HMX1: variants seen among roughly 807,000 people sequenced by gnomAD.
HMX1 encodes homeobox protein HMX1.
HMX1 carries 8 observed loss-of-function variants against 8.9 expected under a neutral mutation model. The observed-to-expected ratio is 0.90, with a 90% confidence interval of 0.53 to 1.63. The LOEUF is 1.63. Among genes scored for constraint, HMX1 ranks in the 40% most tolerant of loss-of-function variants. The pLI is 0.00. For missense variants in HMX1, 621 were observed against 558.5 expected, an observed-to-expected ratio of 1.11 and a Z score of -1.13; for synonymous variants, 311 against 283.4, an observed-to-expected ratio of 1.10 and a Z score of -0.98.
Position 8,847,119 on chromosome 4 carries a change from T to G in HMX1, c.395-795A>C, listed in dbSNP as rs1313087967. Among the ~76,000 whole-genome samples, 3 of 152,214 alleles carry G rather than the reference T, an allele frequency of 2.0e-5. No homozygotes were observed. The highest frequency in any genetic ancestry group is 1.3e-4 in the Admixed American group (2 of 15,292). ...CCATTTGCATTGCCACATCAAGGGC[T>G]CTAAGAAAGTCTACAAATAAAAGTA... On this transcript the variant is annotated intron_variant, in intron 1 of 1. Coordinates refer to the HMX1 transcript ENST00000506970. This position sits in a 1 kb window ranked among gnomAD's most constrained non-coding sequence, Gnocchi z 6.0.
chr4:8,859,655 C>T (rs1203709563), intron 1 of HMX1, among the ~76,000 whole-genome samples: 1 of 152,230 alleles, frequency 6.6e-6, no homozygotes, highest in East Asian at 1.9e-4. Context: ...CCTGTCATTG[C>T]CGCCACTAGA....
chr4:8,864,135 G>C (rs1721917418), downstream of HMX1, among the ~76,000 whole-genome samples: 1 of 152,246 alleles, frequency 6.6e-6, no homozygotes, highest in South Asian at 2.1e-4. Flanking sequence ...GGCCCTGGGA[G>C]CTGGGGAGGG....
downstream of HMX1, among the ~76,000 whole-genome samples, chr4:8,864,502 G>A (rs1392485593): frequency 2.6e-5 from 4 of 152,336 alleles, no homozygotes; most frequent in East Asian, 5.8e-4. Context: ...TGCCAGTGGT[G>A]GAGCCAACGC....
intron 1 of HMX1, among the ~76,000 whole-genome samples, chr4:8,846,704 A>C: frequency 6.9e-6 from 1 of 144,258 alleles, no homozygotes; most frequent in African/African-American, 2.6e-5. Flanking sequence ...CAAACCTCTC[A>C]CCCCTTACCC....
At chr4:8,851,570 AC>A (rs36116215) in intron 1 of HMX1, among the ~76,000 whole-genome samples, 253 of 152,002 alleles carry the variant, frequency 1.7e-3, no homozygotes, top group Middle Eastern at 0.01. Context: ...TGGATACAAG[AC>A]CCCCTGAGGC....
At chr4:8,858,022 T>TA (rs1721671661) in intron 1 of HMX1, among the ~76,000 whole-genome samples, 1 of 151,616 alleles carries the variant, frequency 6.6e-6, no homozygotes, top group Non-Finnish European at 1.5e-5. Context: ...AAGCATCAGC[T>TA]AAGCCATTAG....
In HMX1 at chr4:8,871,348, C is replaced by A; in HGVS notation, c.267G>T (p.Pro89=). 2 of 1,266,016 alleles carry A rather than the reference C, an allele frequency of 1.6e-6. No homozygotes were observed. Among genetic ancestry groups the A allele is most frequent in the Middle Eastern group, 3.1e-4 (1 of 3,182 alleles). 78.4% of individuals were successfully genotyped at this position (1,266,016 alleles called of 1,614,324 possible). A position where few individuals can be genotyped will look rare whatever the true frequency, so the allele number is the denominator to read the frequency against. ...GEARARALLG[P]GALGLGPRPP... ...GCCGAGGACCGAGGCCCAGCGCGCC[C>A]GGCCCGAGCAGCGCACGGGCCCGCG... The change falls in exon 1 of 2, where the codon CCG becomes CCT. Residue 89 remains proline (P), a synonymous_variant. Transcript: ENST00000400677. This position sits in a 1 kb window ranked among gnomAD's most constrained non-coding sequence, Gnocchi z 4.8.
intron 1 of HMX1, chr4:8,858,950 TC>T (rs1240482406): frequency 1.3e-5 from 2 of 152,286 alleles, no homozygotes; most frequent in Non-Finnish European, 2.9e-5. Flanking sequence ...CCCCTCTGGT[TC>T]CTGGGGCACC....
intron 1 of HMX1, among the ~76,000 whole-genome samples, chr4:8,857,401 G>C (rs536820357): frequency 1.4e-4 from 21 of 152,322 alleles, no homozygotes; most frequent in Admixed American, 5.9e-4. Context: ...GCAGGAGGCG[G>C]GGTCTGGGGC....
At chr4:8,860,913 G>C (rs1214959247) in intron 1 of HMX1, 3 of 148,568 alleles carry the variant, frequency 2.0e-5, no homozygotes, top group Admixed American at 2.0e-4. Context: ...TGAAGGCTGA[G>C]CCAGACTTCC....
rs536012811 is a variant in HMX1, at chr4:8,853,671, A to C, written c.395-7347T>G. On this transcript the variant is annotated intron_variant, in intron 1 of 1. Coordinates refer to the HMX1 transcript ENST00000506970. The surrounding 1 kb of genome is among the most constrained non-coding windows in gnomAD (Gnocchi z 4.7). ...GTTCAAGACCAGCCTGACCAATATGATGAAACCCCGTCTCTACTAAAAATA... is the reference window on the plus strand; with the variant it reads ...GTTCAAGACCAGCCTGACCAATATGCTGAAACCCCGTCTCTACTAAAAATA... Among the ~76,000 whole-genome samples the C allele has an allele frequency of 3.0e-4, 46 of 152,210 alleles. No homozygotes were observed. The highest frequency in any genetic ancestry group is 4.7e-4 in the Non-Finnish European group (32 of 68,022).
In HMX1 at chr4:8,871,648, C is replaced by T. The variant is rs952734454; in HGVS notation, c.-34G>A. 4.9e-6 allele frequency: 6 copies of T among 1,217,520 alleles called. No individual in the cohort carries two copies. The African/African-American group carries it at 8.1e-5, about 16-fold the overall frequency. The allele number at this position is 1,217,520 out of a possible 1,614,324, so 75.4% of individuals were successfully genotyped here. On this transcript the variant is annotated 5_prime_UTR_variant, in exon 1 of 2. Transcript: ENST00000400677. The surrounding 1 kb of genome is among the most constrained non-coding windows in gnomAD (Gnocchi z 4.8). ...CGGGCTTCTCGGGCTCGGCCGGGCT[C>T]CTCGGTCCCCGCTGGGGATGGTGGC...
intron 1 of HMX1, among the ~76,000 whole-genome samples, chr4:8,851,608 C>T (rs1458676710): frequency 6.6e-6 from 1 of 152,200 alleles, no homozygotes; most frequent in Non-Finnish European, 1.5e-5. Flanking sequence ...AGAGGCTCTG[C>T]GGGCCTGAGG....
At chr4:8,861,745 G>T (rs1721832702) in intron 1 of HMX1, among the ~76,000 whole-genome samples, 1 of 152,242 alleles carries the variant, frequency 6.6e-6, no homozygotes, top group Non-Finnish European at 1.5e-5. Context: ...TCTCTCTGGC[G>T]TCTGTCTGGA....
At position 8,868,134 on chromosome 4, in the gene HMX1, T is replaced by G; in HGVS notation, c.606A>C (p.Arg202=). The G allele has an allele frequency of 6.6e-7, 1 of 1,510,840 alleles. No homozygotes were observed. Among genetic ancestry groups the G allele is most frequent in the Non-Finnish European group, 8.8e-7 (1 of 1,134,450 alleles). 93.6% of individuals were successfully genotyped at this position (1,510,840 alleles called of 1,614,324 possible). A position where few individuals can be genotyped will look rare whatever the true frequency, so the allele number is the denominator to read the frequency against. Residue 202 remains arginine, a synonymous_variant, in exon 2 of 2, where the codon CGA becomes CGC. Transcript: ENST00000400677. This position sits in a 1 kb window ranked among gnomAD's most constrained non-coding sequence, Gnocchi z 4.6. ...AGAAGACTGTGCGCGTCTTCTTCTT[T>G]CGGCCGCCGCCCACGCCAACGCCGC... is the stretch of plus-strand genomic sequence containing the variant. ...TRGGVGVGGG[R]KKKTRTVFSR... is the part of the protein sequence containing the mutation.
In HMX1 at chr4:8,852,023, C is replaced by T. The variant is rs1334590216; in HGVS notation, c.395-5699G>A. 2.6e-5 allele frequency among the ~76,000 whole-genome samples: 4 copies of T among 152,266 alleles called. No homozygotes were observed. In the East Asian group the frequency reaches 5.8e-4, roughly 22 times the overall value. On this transcript the variant is annotated intron_variant, in intron 1 of 1. Coordinates refer to the HMX1 transcript ENST00000506970. ...TGGTTCCCGGGCAGGCAGCCCCTCT[C>T]GTCCCTAGACACTGCAGTGGGAGTG...
At position 8,867,891 on chromosome 4, in the gene HMX1, C is replaced by G. The variant is rs1722064648; in HGVS notation, c.849G>C (p.Pro283=). 1.5e-6 allele frequency: 2 copies of G among 1,361,180 alleles called. No homozygotes were observed. The highest frequency in any genetic ancestry group is 1.9e-6 in the Non-Finnish European group (2 of 1,055,192). The allele number at this position is 1,361,180 out of a possible 1,614,324, so 84.3% of individuals were successfully genotyped here. A position where few individuals can be genotyped will look rare whatever the true frequency, so the allele number is the denominator to read the frequency against. ...CCGGGGGGCTTTCGTGGTAGAGCAC[C>G]GGCACGCGGACCAGGCGCTGCGCTC... ...PPGAQRLVRV[P]VLYHESPPAA... The change falls in exon 2 of 2, where the codon CCG becomes CCC. Residue 283 remains proline, a synonymous_variant. Transcript: ENST00000400677.
chr4:8,861,495 G>A (rs1721817163), intron 1 of HMX1, among the ~76,000 whole-genome samples: 1 of 152,208 alleles, frequency 6.6e-6, no homozygotes, highest in African/African-American at 2.4e-5. Context: ...GGGAGCCTCG[G>A]TGACCAGGGC....
At chr4:8,866,990 C>G (rs367765360), downstream of HMX1, 44 of 841,194 alleles carry the variant, frequency 5.2e-5, no homozygotes, top group African/African-American at 7.3e-4. Flanking sequence ...CCAGGAGGGA[C>G]GGCACCCAGC....
Sources: gnomAD v4.1 joint callset for allele counts (sites outside exome capture counted in the v4.1 genomes callset) on GRCh38, gnomAD v4.1.1 for gene constraint, Gnocchi (gnomAD v3.1) non-coding constraint, MANE v1.5 for transcripts, NCBI Gene and HGNC (gene_info 2026-07-23, HGNC 2026-07-21) for gene names.